Variants in ROBO1 observed in about 807,000 individuals in gnomAD.
ROBO1 encodes the protein roundabout homolog 1.
A neutral mutation model predicts 195.9 loss-of-function variants in ROBO1; 149 were observed. That is an observed-to-expected ratio of 0.76 (90% confidence interval 0.67 to 0.87). The LOEUF (loss-of-function observed/expected upper bound fraction) is 0.87, where lower values mean the gene tolerates loss of function less well. ROBO1 is among the 40% of genes least tolerant of loss of function. ROBO1 has a pLI of 0.00. For missense variants in ROBO1, 1,933 were observed against 2,068.3 expected, an observed-to-expected ratio of 0.93 and a Z score of 1.27; for synonymous variants, 816 against 733.2, an observed-to-expected ratio of 1.11 and a Z score of -1.82.
chr3:78,634,146 G>A (rs1705346802), intron 23 of ROBO1, 104 bp from the exon 24 acceptor site: 1 of 687,968 alleles, frequency 1.5e-6, no homozygotes, highest in African/African-American at 1.8e-5. Context: ...GAAACAAATT[G>A]GACCATTTAT....
At chr3:78,918,441 G>A (rs943542329) in intron 4 of ROBO1, among the ~76,000 whole-genome samples, 2 of 151,930 alleles carry the variant, frequency 1.3e-5, no homozygotes, top group African/African-American at 4.8e-5. Flanking sequence ...TTCTAACATG[G>A]TATGGTAACT....
At chr3:79,566,297 G>A (rs541180940) in intron 2 of ROBO1, among the ~76,000 whole-genome samples, 58 of 152,082 alleles carry the variant, frequency 3.8e-4, no homozygotes, top group African/African-American at 1.3e-3. Flanking sequence ...GTCTCACAGC[G>A]GATATTAACA....
At chr3:79,197,416 A>G (rs1363019960) in intron 2 of ROBO1, among the ~76,000 whole-genome samples, 1 of 151,858 alleles carries the variant, frequency 6.6e-6, no homozygotes, top group East Asian at 1.9e-4. Flanking sequence ...TATGTGCCAC[A>G]TTTTCTTTAT....
At chr3:79,311,535 T>C (rs1478621444) in intron 2 of ROBO1, among the ~76,000 whole-genome samples, 1 of 152,172 alleles carries the variant, frequency 6.6e-6, no homozygotes, top group Non-Finnish European at 1.5e-5. Flanking sequence ...ACTATAAGCA[T>C]GCTGTCAGGT....
intron 30 of ROBO1, among the ~76,000 whole-genome samples, chr3:78,599,747 A>G (rs528211256): frequency 6.6e-6 from 1 of 152,292 alleles, no homozygotes; most frequent in South Asian, 2.1e-4. Context: ...CCTCACTCAC[A>G]TCATATAACT....
chr3:78,611,991 T>C (rs1703843254), intron 28 of ROBO1, among the ~76,000 whole-genome samples: 1 of 152,164 alleles, frequency 6.6e-6, no homozygotes, highest in Non-Finnish European at 1.5e-5. Flanking sequence ...AGCCACCTGG[T>C]CTATGGTACT....
intron 1 of ROBO1, among the ~76,000 whole-genome samples, chr3:79,743,924 C>T (rs1362160665): frequency 1.3e-5 from 2 of 152,138 alleles, no homozygotes; most frequent in African/African-American, 4.8e-5. Context: ...TGCAACACCT[C>T]CTGAAGGGCC....
rs541125188 is a variant in ROBO1 at position 79,548,318 on chromosome 3, A to G, written c.88+41506T>C. Among the ~76,000 whole-genome samples the G allele has an allele frequency of 6.3e-3, 960 of 152,338 alleles. 4 individuals are homozygous for G. Among genetic ancestry groups the G allele is most frequent in the Non-Finnish European group, 0.01 (696 of 68,036 alleles). ...TAATTAAATCTCTTAAACAAATGCT[A>G]TGTTGAGTAACTATAAGAGGGAAGC... is the stretch of plus-strand genomic sequence containing the variant. On this transcript the variant is annotated intron_variant, in intron 2 of 30. Transcript: ENST00000464233.
At chr3:78,652,390 T>C (rs1706723043) in intron 18 of ROBO1, among the ~76,000 whole-genome samples, 1 of 152,116 alleles carries the variant, frequency 6.6e-6, no homozygotes, top group Non-Finnish European at 1.5e-5. Flanking sequence ...CATGCTTAAA[T>C]AGTATGTTCT....
At chr3:79,074,892 A>G (rs2079145953) in intron 3 of ROBO1, among the ~76,000 whole-genome samples, 1 of 151,980 alleles carries the variant, frequency 6.6e-6, no homozygotes, top group African/African-American at 2.4e-5. Context: ...CAAAATATCA[A>G]TAGTTTAAAA....
chr3:78,677,490 T>C (rs944971272), intron 10 of ROBO1, among the ~76,000 whole-genome samples: 60 of 151,864 alleles, frequency 4.0e-4, no homozygotes, highest in Admixed American at 1.1e-3. Flanking sequence ...TCTACCAAGC[T>C]AATGGAAAAC....
intron 4 of ROBO1, among the ~76,000 whole-genome samples, chr3:78,814,963 G>A (rs942581555): frequency 9.9e-5 from 15 of 151,908 alleles, no homozygotes; most frequent in African/African-American, 1.5e-4. Context: ...ATATTGTTAC[G>A]GTGATCTGTG....
intron 2 of ROBO1, among the ~76,000 whole-genome samples, chr3:79,406,482 T>C (rs2037554990): frequency 6.6e-6 from 1 of 151,884 alleles, no homozygotes; most frequent in Non-Finnish European, 1.5e-5. Context: ...AAAAAAATGC[T>C]TCCTGGCATA....
At chr3:78,928,775 T>C (rs1371041564) in intron 4 of ROBO1, among the ~76,000 whole-genome samples, 1 of 152,228 alleles carries the variant, frequency 6.6e-6, no homozygotes, top group Non-Finnish European at 1.5e-5. Context: ...TCATAAGCTA[T>C]GACAAGTGCT....
intron 5 of ROBO1, among the ~76,000 whole-genome samples, chr3:78,723,406 G>A (rs1442145410): frequency 6.6e-6 from 1 of 152,104 alleles, no homozygotes; most frequent in Admixed American, 6.6e-5. Flanking sequence ...CAACACATTT[G>A]TCAGAATATA....
intron 8 of ROBO1, among the ~76,000 whole-genome samples, chr3:78,698,267 T>C (rs2081345493): frequency 6.6e-6 from 1 of 152,168 alleles, no homozygotes; most frequent in African/African-American, 2.4e-5. Context: ...CACTGGTATG[T>C]TGGAAAAATT....
chr3:79,114,543 T>G (rs1010987084), intron 3 of ROBO1, among the ~76,000 whole-genome samples: 4 of 152,184 alleles, frequency 2.6e-5, no homozygotes, highest in African/African-American at 9.7e-5. Context: ...GAACTTAGGC[T>G]CATAGATCTT....
chr3:79,663,998 C>T (rs1268379077), intron 1 of ROBO1, among the ~76,000 whole-genome samples: 1 of 152,050 alleles, frequency 6.6e-6, no homozygotes, highest in Non-Finnish European at 1.5e-5. Context: ...CAACGAATAG[C>T]TGAAACTAAA....
At chr3:79,339,498 T>C (rs2034820851) in intron 2 of ROBO1, among the ~76,000 whole-genome samples, 1 of 152,134 alleles carries the variant, frequency 6.6e-6, no homozygotes, top group Admixed American at 6.5e-5. Flanking sequence ...CTAGCACACA[T>C]GGCTCACTCC....
Sources: gnomAD v4.1 joint callset for allele counts (sites outside exome capture counted in the v4.1 genomes callset) on GRCh38, gnomAD v4.1.1 for gene constraint, MANE v1.5 for transcripts, NCBI Gene and HGNC (gene_info 2026-07-23, HGNC 2026-07-21) for gene names.